The following PTPRD variants were observed in gnomAD, a reference collection of about 807,000 sequenced individuals.
PTPRD encodes protein tyrosine phosphatase receptor type D.
A neutral mutation model predicts 214.5 loss-of-function variants in PTPRD; 34 were observed. The ratio of observed to expected loss-of-function variants is 0.16; its 90% CI spans 0.12 to 0.21. PTPRD has a LOEUF of 0.21. Ranked by LOEUF, PTPRD falls within the 10% of genes least tolerant of loss-of-function variation. PTPRD has a pLI of 1.00. For missense variants in PTPRD, 2,545 were observed against 2,398.7 expected (o/e 1.06, Z -1.27); for synonymous variants, 1,128 against 845.7 (o/e 1.33, Z -5.79).
intron 3 of PTPRD, among the ~76,000 whole-genome samples, chr9:10,238,617 C>A (rs893675290): frequency 7.9e-5 from 12 of 151,834 alleles, no homozygotes; most frequent in African/African-American, 2.9e-4. Flanking sequence ...TATACAATTT[C>A]ATCAGGATTC....
At chr9:8,686,583 G>T (rs913207523) in intron 12 of PTPRD, among the ~76,000 whole-genome samples, 3 of 152,092 alleles carry the variant, frequency 2.0e-5, no homozygotes, top group African/African-American at 7.2e-5. Flanking sequence ...AAGTGAAGGG[G>T]GGTCAAACAA....
chr9:10,104,089 C>A (rs2098599502), intron 3 of PTPRD, among the ~76,000 whole-genome samples: 1 of 151,618 alleles, frequency 6.6e-6, no homozygotes, highest in African/African-American at 2.4e-5. Context: ...CTGTTCGATT[C>A]CACTTATATG....
intron 10 of PTPRD, among the ~76,000 whole-genome samples, chr9:9,019,877 G>A (rs969996191): frequency 1.5e-4 from 23 of 152,074 alleles, no homozygotes; most frequent in Non-Finnish European, 8.8e-5. Flanking sequence ...CATTGAACTT[G>A]TTCACTTTTT....
chr9:9,234,745 A>T (rs544001629), intron 9 of PTPRD, among the ~76,000 whole-genome samples: 1 of 152,132 alleles, frequency 6.6e-6, no homozygotes, highest in Non-Finnish European at 1.5e-5. Context: ...TTCAGTTCCC[A>T]AAAAGTTCCT....
chr9:8,539,678 C>T (rs10977192), intron 14 of PTPRD, among the ~76,000 whole-genome samples: 22,667 of 151,750 alleles, frequency 0.15, 1,977 homozygotes, highest in East Asian at 0.24. Flanking sequence ...AAAAGAGTCA[C>T]AACCTAAATA....
intron 3 of PTPRD, among the ~76,000 whole-genome samples, chr9:10,121,918 T>G (rs953781504): frequency 5.9e-5 from 9 of 152,190 alleles, no homozygotes; most frequent in African/African-American, 2.2e-4. Context: ...ACCTCCTTCC[T>G]GCAATACCAA....
chr9:10,316,470 A>G (rs1373042484), intron 3 of PTPRD, among the ~76,000 whole-genome samples: 2 of 151,882 alleles, frequency 1.3e-5, no homozygotes, highest in Admixed American at 6.6e-5. Flanking sequence ...TCACATTATA[A>G]TAGATTAAAT....
chr9:9,867,547 A>C (rs1600280021), intron 5 of PTPRD, among the ~76,000 whole-genome samples: 1 of 152,292 alleles, frequency 6.6e-6, no homozygotes, highest in East Asian at 1.9e-4. Context: ...GAGATTCAAA[A>C]TAATTTCCTC....
intron 12 of PTPRD, among the ~76,000 whole-genome samples, chr9:8,656,591 T>C (rs2154350041): frequency 6.6e-6 from 1 of 152,272 alleles, no homozygotes; most frequent in South Asian, 2.1e-4. Flanking sequence ...GGTATTTCCC[T>C]CCCAAGCATT....
intron 10 of PTPRD, among the ~76,000 whole-genome samples, chr9:9,078,868 G>C (rs1404764623): frequency 2.0e-5 from 3 of 151,984 alleles, no homozygotes; most frequent in East Asian, 1.9e-4. Context: ...TATTTATAAA[G>C]TACAATAGTT....
At chr9:9,461,157 T>A (rs567737501) in intron 8 of PTPRD, among the ~76,000 whole-genome samples, 1 of 151,252 alleles carries the variant, frequency 6.6e-6, no homozygotes, top group African/African-American at 2.4e-5. Context: ...TAATAGACAC[T>A]GGGGGATCTA....
intron 2 of PTPRD, among the ~76,000 whole-genome samples, chr9:10,544,153 T>G (rs1241453717): frequency 1.3e-5 from 2 of 152,164 alleles, no homozygotes; most frequent in Admixed American, 1.3e-4. Flanking sequence ...CATATTTATA[T>G]ACTTCCACAT....
At chr9:9,942,919 T>G (rs1669001725) in intron 4 of PTPRD, among the ~76,000 whole-genome samples, 1 of 151,828 alleles carries the variant, frequency 6.6e-6, no homozygotes, top group African/African-American at 2.4e-5. Flanking sequence ...TTAAAGCTTT[T>G]GTCCCAAGCT....
intron 2 of PTPRD, among the ~76,000 whole-genome samples, chr9:10,446,964 G>C (rs548113776): frequency 6.6e-6 from 1 of 152,148 alleles, no homozygotes; most frequent in East Asian, 1.9e-4. Context: ...AAGTGCAAAG[G>C]GTATTTAGTG....
intron 5 of PTPRD, among the ~76,000 whole-genome samples, chr9:9,887,237 C>T (rs574411779): frequency 6.6e-6 from 1 of 152,068 alleles, no homozygotes; most frequent in Non-Finnish European, 1.5e-5. Flanking sequence ...ACCGTATTTA[C>T]CTTATTTACC....
At chr9:8,792,966 A>C (rs2096284061) in intron 11 of PTPRD, among the ~76,000 whole-genome samples, 1 of 152,152 alleles carries the variant, frequency 6.6e-6, no homozygotes, top group African/African-American at 2.4e-5. Context: ...ATTTCAAGGG[A>C]TCAGTAGGAA....
intron 2 of PTPRD, among the ~76,000 whole-genome samples, chr9:10,505,790 T>C (rs1589649925): frequency 6.6e-6 from 1 of 152,242 alleles, no homozygotes; most frequent in South Asian, 2.1e-4. Flanking sequence ...AAAAAGCATG[T>C]ACATCTAGCA....
intron 35 of PTPRD, among the ~76,000 whole-genome samples, chr9:8,414,960 A>AGAGG (rs1554900403): frequency 1.3e-4 from 19 of 142,926 alleles, no homozygotes; most frequent in African/African-American, 2.9e-4. Context: ...AGAGAGAGAG[A>AGAGG]GAGAGAGAGA....
intron 10 of PTPRD, among the ~76,000 whole-genome samples, chr9:9,026,974 T>C (rs1192981051): frequency 6.6e-6 from 1 of 151,520 alleles, no homozygotes; most frequent in Non-Finnish European, 1.5e-5. Flanking sequence ...TTTGTCTGTT[T>C]GAGCCTTCTG....
Sources: allele counts gnomAD v4.1 joint callset (sites outside exome capture counted in the v4.1 genomes callset), GRCh38; gene constraint gnomAD v4.1.1; transcripts MANE v1.5; gene names NCBI Gene and HGNC (gene_info 2026-07-23, HGNC 2026-07-21).